Variants in MSRA observed in about 807,000 individuals in gnomAD.
The protein encoded by MSRA is methionine sulfoxide reductase A.
A neutral mutation model predicts 31.3 loss-of-function variants in MSRA; 54 were observed. That is an observed-to-expected ratio of 1.73 (90% CI 1.39 to 2.17). The LOEUF (loss-of-function observed/expected upper bound fraction) is 2.17. Among genes scored for constraint, MSRA ranks in the 30% most tolerant of loss-of-function variants. The probability of loss-of-function intolerance (pLI) is 0.00; values close to 1 mark genes in which losing one functional copy is unlikely to be tolerated. For synonymous variants in MSRA, 169 were observed against 116.5 expected (o/e 1.45, Z -2.90); for missense variants, 507 against 300.9 (o/e 1.69, Z -5.07).
chr8:10,164,802 G>A (rs927504924), intron 1 of MSRA, among the ~76,000 whole-genome samples: 2 of 152,252 alleles, frequency 1.3e-5, no homozygotes, highest in Admixed American at 6.5e-5. Flanking sequence ...AGACCTAGGC[G>A]GTGGATCACA....
At position 10,096,174 on chromosome 8, in the gene MSRA, A is replaced by C. The variant is rs991635743; in HGVS notation, c.142+41516A>C. ...AAAAGTTGTTTTATCCATGTGTTTA[A>C]GAAAACGTTTTCTTAAAGCAACAGC... On this transcript the variant is annotated intron_variant, in intron 1 of 5. Coordinates refer to ENST00000317173, the MANE Select transcript of MSRA (RefSeq NM_012331.5). 1.0e-5 allele frequency: 13 copies of C among 1,254,848 alleles called. No individual in the cohort carries two copies. In the African/African-American group the frequency reaches 2.0e-4, roughly 19 times the overall value. 77.7% of individuals were successfully genotyped at this position (1,254,848 alleles called of 1,614,324 possible). A position where few individuals can be genotyped will look rare whatever the true frequency, so the allele number is the denominator to read the frequency against.
Position 10,358,753 on chromosome 8 carries a change from C to T in MSRA, c.543+38764C>T, listed in dbSNP as rs372656731. Reference sequence around the variant, plus strand: ...GACTACAGGCGCCCGCCACTACGCCCGGCTAATTTTTTGTATTTTTAGTAG... The same window carrying T: ...GACTACAGGCGCCCGCCACTACGCCTGGCTAATTTTTTGTATTTTTAGTAG... On this transcript the variant is annotated intron_variant, in intron 5 of 5. Coordinates refer to ENST00000317173, the MANE Select transcript of MSRA (RefSeq NM_012331.5). 2.3e-3 allele frequency among the ~76,000 whole-genome samples: 347 copies of T among 149,846 alleles called. 8 individuals are homozygous for T. In the East Asian group the frequency reaches 0.059, roughly 25 times the overall value.
intron 1 of MSRA, among the ~76,000 whole-genome samples, chr8:10,202,421 A>G (rs1056154307): frequency 6.6e-6 from 1 of 152,222 alleles, no homozygotes; most frequent in African/African-American, 2.4e-5. Context: ...GGGGATTTTC[A>G]GAGGTTTGTT....
At chr8:10,394,854 T>C (rs533513203) in intron 5 of MSRA, among the ~76,000 whole-genome samples, 14 of 152,248 alleles carry the variant, frequency 9.2e-5, no homozygotes, top group Non-Finnish European at 1.5e-4. Flanking sequence ...GGATTCAGAT[T>C]TCTTTCAAGA....
chr8:10,399,147 A>G (rs1807285119), intron 5 of MSRA, among the ~76,000 whole-genome samples: 2 of 152,252 alleles, frequency 1.3e-5, no homozygotes, highest in South Asian at 4.1e-4. Flanking sequence ...TTTATTTAGC[A>G]AATATTTATC....
At chr8:10,122,302 C>T (rs955578191) in intron 1 of MSRA, among the ~76,000 whole-genome samples, 5 of 152,262 alleles carry the variant, frequency 3.3e-5, no homozygotes, top group South Asian at 2.1e-4. Flanking sequence ...CCAGGCTCAG[C>T]GGGAGCACCC....
intron 5 of MSRA, among the ~76,000 whole-genome samples, chr8:10,400,221 G>T (rs1368760792): frequency 1.3e-5 from 2 of 152,122 alleles, no homozygotes; most frequent in Non-Finnish European, 2.9e-5. Flanking sequence ...ATGGGATCGG[G>T]CTGGGGCAGG....
chr8:10,255,723 C>T (rs896326951), intron 3 of MSRA, among the ~76,000 whole-genome samples: 4 of 150,222 alleles, frequency 2.7e-5, no homozygotes, highest in African/African-American at 9.9e-5. Flanking sequence ...AGAGTCAGGT[C>T]GTAAAATGGT....
intron 2 of MSRA, among the ~76,000 whole-genome samples, chr8:10,238,557 T>C (rs1164808843): frequency 6.6e-6 from 1 of 152,088 alleles, no homozygotes; most frequent in African/African-American, 2.4e-5. Context: ...CAGTATAGGA[T>C]TGGTGCAGGA....
At chr8:10,222,066 G>C (rs1810561543) in intron 2 of MSRA, among the ~76,000 whole-genome samples, 1 of 152,006 alleles carries the variant, frequency 6.6e-6, no homozygotes, top group African/African-American at 2.4e-5. Context: ...GTTTAAGGCA[G>C]AGGTATGACG....
rs796440989 is a variant in MSRA at position 10,326,604 on chromosome 8, CAACCCT to C, written c.543+6624_543+6629del. On this transcript the variant is annotated intron_variant, in intron 5 of 5. Transcript: ENST00000317173. ...ACAGCTGCTTCATATCTTTGGTGAG[CAACCCT>C]AACCCTAATACAACTTTGCATAAAA... is the stretch of plus-strand genomic sequence containing the variant. The C allele has an allele frequency of 3.9e-4, 59 of 152,194 alleles. 2 individuals carry two copies. Among genetic ancestry groups the C allele is most frequent in the African/African-American group, 1.4e-3 (58 of 41,526 alleles). 9.4% of individuals were successfully genotyped at this position (152,194 alleles called of 1,614,324 possible).
At chr8:10,159,398 A>C (rs776336482) in intron 1 of MSRA, among the ~76,000 whole-genome samples, 1 of 152,126 alleles carries the variant, frequency 6.6e-6, no homozygotes, top group African/African-American at 2.4e-5. Context: ...GGGAATTGTT[A>C]ATATATATCA....
Position 10,077,479 on chromosome 8 carries a change from C to CTT in MSRA, c.142+22843_142+22844dup, listed in dbSNP as rs10714477. On this transcript the variant is annotated intron_variant, in intron 1 of 5. Transcript: ENST00000317173. ...ATGGATTCTTTTTCACTACCTTCTC[C>CTT]TTTTTTTTTTTTTTTTTTTTTTTAA... Among the ~76,000 whole-genome samples, 122 of 101,238 alleles carry CTT rather than the reference C, an allele frequency of 1.2e-3. 2 individuals are homozygous for CTT. Among genetic ancestry groups the CTT allele is most frequent in the African/African-American group, 3.7e-3 (100 of 27,342 alleles). 66.4% of individuals were successfully genotyped at this position (101,238 alleles called of 152,430 possible).
At chr8:10,222,043 G>C (rs914874357) in intron 2 of MSRA, among the ~76,000 whole-genome samples, 1 of 151,638 alleles carries the variant, frequency 6.6e-6, no homozygotes, top group African/African-American at 2.4e-5. Flanking sequence ...GCACACTATA[G>C]GAAGTCTAGA....
intron 5 of MSRA, among the ~76,000 whole-genome samples, chr8:10,364,392 C>G (rs1172757346): frequency 6.6e-6 from 1 of 152,184 alleles, no homozygotes; most frequent in Non-Finnish European, 1.5e-5. Flanking sequence ...TGTTGTGTCT[C>G]GAAATCATCC....
intron 1 of MSRA, among the ~76,000 whole-genome samples, chr8:10,094,444 A>G (rs919517002): frequency 2.0e-5 from 3 of 152,234 alleles, no homozygotes; most frequent in East Asian, 1.9e-4. Flanking sequence ...TTACTATGCA[A>G]TTAGGATGAA....
intron 2 of MSRA, among the ~76,000 whole-genome samples, chr8:10,244,206 G>A (rs1563261863): frequency 6.6e-6 from 1 of 152,174 alleles, no homozygotes; most frequent in African/African-American, 2.4e-5. Context: ...ATTTGAGTGA[G>A]GCAGTAATCT....
At chr8:10,160,444 A>C (rs535947877) in intron 1 of MSRA, among the ~76,000 whole-genome samples, 103 of 152,078 alleles carry the variant, frequency 6.8e-4, no homozygotes, top group African/African-American at 2.4e-3. Flanking sequence ...GCAGTGAGCC[A>C]AGATGGTGCC....
intron 1 of MSRA, among the ~76,000 whole-genome samples, chr8:10,086,431 G>A (rs532598460): frequency 1.1e-4 from 17 of 152,316 alleles, no homozygotes; most frequent in Non-Finnish European, 1.8e-4. Flanking sequence ...GGATGTATGA[G>A]GGCACCTATG....
Sources: allele counts gnomAD v4.1 joint callset (sites outside exome capture counted in the v4.1 genomes callset), GRCh38; gene constraint gnomAD v4.1.1; transcripts MANE v1.5; gene names NCBI Gene and HGNC (gene_info 2026-07-23, HGNC 2026-07-21).